The following PIP4K2A variants were observed in gnomAD, a reference collection of about 807,000 sequenced individuals.
PIP4K2A encodes phosphatidylinositol 5-phosphate 4-kinase type-2 alpha.
A neutral mutation model predicts 42.9 loss-of-function variants in PIP4K2A; 14 were observed. The observed-to-expected ratio is 0.33, with a 90% CI of 0.22 to 0.51. The LOEUF is 0.51. Among genes scored for constraint, PIP4K2A ranks in the 20% least tolerant of loss-of-function variants. The probability of loss-of-function intolerance (pLI) is 0.97; values close to 1 mark genes in which losing one functional copy is unlikely to be tolerated. For missense variants in PIP4K2A, 434 were observed against 519.8 expected, an observed-to-expected ratio of 0.83 and a Z score of 1.61; for synonymous variants, 192 against 192.2, an observed-to-expected ratio of 1.00 and a Z score of 0.01.
At chr10:22,677,393 G>A (rs1378977804) in intron 1 of PIP4K2A, among the ~76,000 whole-genome samples, 2 of 152,214 alleles carry the variant, frequency 1.3e-5, no homozygotes, top group Non-Finnish European at 2.9e-5. Context: ...GGGCTAGCGC[G>A]AGGGTCTGCT....
chr10:22,690,267 C>G (rs1012596277), intron 1 of PIP4K2A, among the ~76,000 whole-genome samples: 1 of 152,144 alleles, frequency 6.6e-6, no homozygotes, highest in South Asian at 2.1e-4. Flanking sequence ...AACTGAGGTA[C>G]AGAGAGATTA....
At chr10:22,701,845 G>A (rs1037599489) in intron 1 of PIP4K2A, among the ~76,000 whole-genome samples, 3 of 152,318 alleles carry the variant, frequency 2.0e-5, no homozygotes, top group East Asian at 3.9e-4. Flanking sequence ...AGCCACTTTG[G>A]CTCTAAGGGC....
intron 1 of PIP4K2A, among the ~76,000 whole-genome samples, chr10:22,637,079 T>C (rs1838681539): frequency 6.6e-6 from 1 of 152,214 alleles, no homozygotes; most frequent in African/African-American, 2.4e-5. Context: ...ACAGAGCATT[T>C]TAAAGATGGA....
intron 1 of PIP4K2A, among the ~76,000 whole-genome samples, chr10:22,665,181 A>G (rs886234595): frequency 6.6e-6 from 1 of 152,096 alleles, no homozygotes; most frequent in Non-Finnish European, 1.5e-5. Flanking sequence ...CCTCTAACCA[A>G]CCTGTGACTT....
intron 1 of PIP4K2A, among the ~76,000 whole-genome samples, chr10:22,671,333 T>C (rs1279102971): frequency 6.6e-6 from 1 of 152,108 alleles, no homozygotes; most frequent in African/African-American, 2.4e-5. Flanking sequence ...AAACTACTAG[T>C]CTCTTCTGGG....
At chr10:22,709,674 A>C (rs1833882279) in intron 1 of PIP4K2A, among the ~76,000 whole-genome samples, 1 of 152,232 alleles carries the variant, frequency 6.6e-6, no homozygotes, top group Non-Finnish European at 1.5e-5. Flanking sequence ...AACTGTAAGT[A>C]CTAAGTAACA....
At chr10:22,573,199 T>C (rs1837030924) in intron 5 of PIP4K2A, 112 bp downstream of exon 5, 2 of 927,994 alleles carry the variant, frequency 2.2e-6, no homozygotes, top group Non-Finnish European at 1.7e-6. Context: ...ACTTGTCTGG[T>C]AGCTTTAAGT....
chr10:22,571,290 G>T (rs1836982042), intron 5 of PIP4K2A, among the ~76,000 whole-genome samples: 1 of 152,176 alleles, frequency 6.6e-6, no homozygotes, highest in African/African-American at 2.4e-5. Context: ...CCTGTATGCT[G>T]GGGTGCTTGC....
Position 22,591,791 on chromosome 10 carries a change from T to G in PIP4K2A, c.340-10A>C, listed in dbSNP as rs1011842842. The stretch of plus-strand genomic sequence containing the variant: ...TCCTGGTCAGGGAATTCTTCCCGGG[T>G]GGGGTAAGAGGGGAAGGAAGGCGGG... On this transcript the variant is annotated splice_polypyrimidine_tract_variant and intron_variant, in intron 3 of 9. Transcript: ENST00000376573. 6.2e-7 allele frequency: 1 copy of G among 1,602,102 alleles called. No individual in the cohort carries two copies. Among genetic ancestry groups the G allele is most frequent in the Non-Finnish European group, 8.5e-7 (1 of 1,173,484 alleles).
At chr10:22,587,522 T>C (rs1428125133) in intron 4 of PIP4K2A, among the ~76,000 whole-genome samples, 1 of 152,174 alleles carries the variant, frequency 6.6e-6, no homozygotes, top group Admixed American at 6.5e-5. Flanking sequence ...AAAGTAGGAA[T>C]GAAGGCCTGA....
rs1390963717 is a variant in PIP4K2A, at chr10:22,539,886, G to GGGGAGA, written c.1140+84_1140+85insTCTCCC. On this transcript the variant is annotated intron_variant, in intron 9 of 9. Transcript: ENST00000376573. ...AGTTACAGGTCACACAGAGGAGCCA[G>GGGGAGA]GAGAGAGAGAGAGAGAGAGAGAGAG... The GGGGAGA allele has an allele frequency of 5.3e-5, 37 of 699,586 alleles. No homozygotes were observed. The African/African-American group carries it at 9.1e-4, about 17-fold the overall frequency. 43.3% of individuals were successfully genotyped at this position (699,586 alleles called of 1,614,324 possible).
chr10:22,680,840 C>G (rs1475742963), intron 1 of PIP4K2A, among the ~76,000 whole-genome samples: 3 of 152,146 alleles, frequency 2.0e-5, no homozygotes, highest in African/African-American at 4.8e-5. Context: ...TTAGTGTGAG[C>G]TGAAAACACT....
chr10:22,541,335 G>C (rs1836107496), intron 8 of PIP4K2A, among the ~76,000 whole-genome samples: 1 of 152,134 alleles, frequency 6.6e-6, no homozygotes, highest in Non-Finnish European at 1.5e-5. Flanking sequence ...ACAAGCTAAG[G>C]GTCACAGAGG....
At chr10:22,543,544 C>A (rs1348755974) in intron 7 of PIP4K2A, among the ~76,000 whole-genome samples, 1 of 152,200 alleles carries the variant, frequency 6.6e-6, no homozygotes, top group African/African-American at 2.4e-5. Flanking sequence ...CACTGCTCAT[C>A]CCCCCTGGTC....
intron 1 of PIP4K2A, among the ~76,000 whole-genome samples, chr10:22,627,426 A>G (rs758431849): frequency 2.6e-5 from 4 of 152,128 alleles, no homozygotes; most frequent in Middle Eastern, 6.8e-3. Flanking sequence ...AAAGGTTATT[A>G]GGTGAATAAT....
At chr10:22,639,435 T>A (rs1206586021) in intron 1 of PIP4K2A, among the ~76,000 whole-genome samples, 1 of 151,550 alleles carries the variant, frequency 6.6e-6, no homozygotes, top group Non-Finnish European at 1.5e-5. Flanking sequence ...TTTCTCCATT[T>A]GAGAATTAGG....
At chr10:22,608,479 G>A (rs1485208992) in intron 2 of PIP4K2A, among the ~76,000 whole-genome samples, 2 of 152,148 alleles carry the variant, frequency 1.3e-5, no homozygotes, top group East Asian at 1.9e-4. Context: ...TTCTAAATTT[G>A]CTTAGAGGAA....
chr10:22,542,932 G>A (rs1029696973), intron 7 of PIP4K2A, among the ~76,000 whole-genome samples: 2 of 152,126 alleles, frequency 1.3e-5, no homozygotes, highest in Non-Finnish European at 2.9e-5. Context: ...TCCGACCTTG[G>A]GCTCAGGGTC....
At chr10:22,538,024 G>C (rs1398102344) in intron 9 of PIP4K2A, among the ~76,000 whole-genome samples, 3 of 152,204 alleles carry the variant, frequency 2.0e-5, no homozygotes, top group African/African-American at 4.8e-5. Flanking sequence ...TGAGATGCAG[G>C]GTGCAGGCCA....
Sources: gnomAD v4.1 joint callset for allele counts (sites outside exome capture counted in the v4.1 genomes callset) on GRCh38, gnomAD v4.1.1 for gene constraint, MANE v1.5 for transcripts, NCBI Gene and HGNC (gene_info 2026-07-23, HGNC 2026-07-21) for gene names.